Variants in SPOCK3 observed in about 807,000 individuals in gnomAD.
SPOCK3 encodes SPARC (osteonectin), cwcv and kazal like domains proteoglycan 3.
Under a neutral mutation model 56.6 loss-of-function variants are expected in SPOCK3, and 30 were observed. That is an observed-to-expected ratio of 0.53 (90% confidence interval 0.40 to 0.72). The LOEUF is 0.72. SPOCK3 is among the 30% of genes least tolerant of loss of function. SPOCK3 has a pLI of 0.00. For synonymous variants in SPOCK3, 196 were observed against 183.3 expected (o/e 1.07, Z -0.56); for missense variants, 527 against 530.0 (o/e 0.99, Z 0.06).
intron 5 of SPOCK3, among the ~76,000 whole-genome samples, chr4:166,893,089 G>C (rs1734960980): frequency 6.6e-6 from 1 of 152,038 alleles, no homozygotes; most frequent in African/African-American, 2.4e-5. Flanking sequence ...GAGAGTGATT[G>C]TTTGGGCATC....
intron 3 of SPOCK3, among the ~76,000 whole-genome samples, chr4:167,003,099 T>C (rs1749114147): frequency 6.6e-6 from 1 of 151,850 alleles, no homozygotes; most frequent in Non-Finnish European, 1.5e-5. Flanking sequence ...CTTTACCTTA[T>C]AAAATCTGCA....
chr4:166,948,521 A>G (rs1003374696), intron 4 of SPOCK3, among the ~76,000 whole-genome samples: 2 of 151,164 alleles, frequency 1.3e-5, no homozygotes, highest in Non-Finnish European at 3.0e-5. Context: ...CCTCACCAAC[A>G]TTTTTTTTTA....
intron 2 of SPOCK3, among the ~76,000 whole-genome samples, chr4:167,135,301 G>A (rs1763019478): frequency 6.6e-6 from 1 of 151,970 alleles, no homozygotes; most frequent in African/African-American, 2.4e-5. Context: ...ATATACAAAA[G>A]ATTTGGAAAG....
chr4:166,848,281 A>G, intron 6 of SPOCK3, among the ~76,000 whole-genome samples: 1 of 152,186 alleles, frequency 6.6e-6, no homozygotes. Flanking sequence ...TTTGTTGACT[A>G]GAAAAGGGAG....
chr4:166,903,297 G>A (rs1736258955), intron 5 of SPOCK3, among the ~76,000 whole-genome samples: 1 of 151,734 alleles, frequency 6.6e-6, no homozygotes, highest in South Asian at 2.1e-4. Context: ...TCCAAGTCTT[G>A]GTGTAACTTA....
At chr4:166,747,001 C>T (rs1424884357) in intron 8 of SPOCK3, among the ~76,000 whole-genome samples, 1 of 152,046 alleles carries the variant, frequency 6.6e-6, no homozygotes, top group African/African-American at 2.4e-5. Context: ...AAGAGCCTAC[C>T]AACCAAAAAA....
chr4:166,975,408 T>C (rs1466497811), intron 4 of SPOCK3, among the ~76,000 whole-genome samples: 1 of 152,122 alleles, frequency 6.6e-6, no homozygotes, highest in Non-Finnish European at 1.5e-5. Flanking sequence ...TTTATGGGGG[T>C]ACATGAGGTA....
intron 4 of SPOCK3, among the ~76,000 whole-genome samples, chr4:166,922,395 G>T (rs560322814): frequency 6.6e-6 from 1 of 152,276 alleles, no homozygotes; most frequent in South Asian, 2.1e-4. Flanking sequence ...ATCTCATGAA[G>T]TTATATTCAT....
chr4:166,845,111 T>G (rs543589502), intron 6 of SPOCK3, among the ~76,000 whole-genome samples: 1 of 152,254 alleles, frequency 6.6e-6, no homozygotes, highest in Non-Finnish European at 1.5e-5. Flanking sequence ...TAAAATTTTC[T>G]ACTGTAACCC....
chr4:167,009,246 T>C (rs28707615), intron 3 of SPOCK3, among the ~76,000 whole-genome samples: 3,752 of 152,180 alleles, frequency 0.025, 168 homozygotes, highest in African/African-American at 0.086. Flanking sequence ...TCCGAGGGCA[T>C]TACCTGTTCT....
intron 6 of SPOCK3, among the ~76,000 whole-genome samples, chr4:166,821,741 G>A (rs1209210798): frequency 1.3e-5 from 2 of 152,032 alleles, no homozygotes; most frequent in Admixed American, 6.6e-5. Context: ...CCAGGAGATG[G>A]AGATGGGAAT....
At chr4:166,935,858 T>A (rs950198332) in intron 4 of SPOCK3, among the ~76,000 whole-genome samples, 2 of 152,154 alleles carry the variant, frequency 1.3e-5, no homozygotes, top group African/African-American at 4.8e-5. Context: ...TAATATATTT[T>A]GAAGATAGAG....
intron 6 of SPOCK3, among the ~76,000 whole-genome samples, chr4:166,817,624 G>A (rs1287547590): frequency 1.3e-5 from 2 of 151,986 alleles, no homozygotes; most frequent in Non-Finnish European, 2.9e-5. Context: ...CTCATCCTGA[G>A]TCCAGAGACA....
intron 2 of SPOCK3, among the ~76,000 whole-genome samples, chr4:167,180,257 G>A (rs188277724): frequency 6.4e-4 from 98 of 152,300 alleles, no homozygotes; most frequent in Admixed American, 1.9e-3. Context: ...ATAGACATCA[G>A]AGGAGGAGGA....
chr4:166,798,773 T>C (rs1742238742), intron 6 of SPOCK3, among the ~76,000 whole-genome samples: 1 of 152,194 alleles, frequency 6.6e-6, no homozygotes, highest in Non-Finnish European at 1.5e-5. Flanking sequence ...AAACAATTCA[T>C]GAATAGTTAT....
intron 6 of SPOCK3, among the ~76,000 whole-genome samples, chr4:166,833,703 T>A (rs190099036): frequency 1.1e-4 from 16 of 152,282 alleles, no homozygotes; most frequent in Middle Eastern, 6.8e-3. Context: ...TTTTATGATA[T>A]CCTTTTTTCT....
intron 2 of SPOCK3, among the ~76,000 whole-genome samples, chr4:167,079,287 C>T (rs1420428823): frequency 6.6e-6 from 1 of 151,980 alleles, no homozygotes; most frequent in Non-Finnish European, 1.5e-5. Context: ...CTTTTCAAAG[C>T]TTCCCACAAA....
chr4:167,019,492 A>G (rs1750967727), intron 3 of SPOCK3, among the ~76,000 whole-genome samples: 1 of 151,706 alleles, frequency 6.6e-6, no homozygotes, highest in Non-Finnish European at 1.5e-5. Context: ...ATACAAAATT[A>G]TATATAGTAT....
intron 2 of SPOCK3, among the ~76,000 whole-genome samples, chr4:167,205,159 T>A (rs1168718459): frequency 8.8e-6 from 1 of 113,554 alleles, no homozygotes; most frequent in Non-Finnish European, 1.7e-5. Context: ...ATTTTATATA[T>A]ATATAATATA....
Sources: allele counts gnomAD v4.1 joint callset (sites outside exome capture counted in the v4.1 genomes callset), GRCh38; gene constraint gnomAD v4.1.1; transcripts MANE v1.5; gene names NCBI Gene and HGNC (gene_info 2026-07-23, HGNC 2026-07-21).